Variants in DRC9 observed in about 807,000 individuals in gnomAD.
The protein encoded by DRC9 is dynein regulatory complex protein 9.
At chr3:197,900,969 G>A in the DRC9 span, among the ~76,000 whole-genome samples, 2 of 152,228 alleles carry the variant, frequency 1.3e-5, no homozygotes, top group Non-Finnish European at 2.9e-5. The surrounding 1 kb of genome is among the most constrained non-coding windows in gnomAD (Gnocchi z 4.7). Flanking sequence ...GGCCTTGGGT[G>A]AGACTCTTGA....
At chr3:197,938,609 T>G in the DRC9 span, 1 of 1,614,114 alleles carries the variant, frequency 6.2e-7, no homozygotes, top group African/African-American at 1.3e-5. Flanking sequence ...GTAGGTTTTT[T>G]GAAGACAAGA....
chr3:197,941,270 C>T, the DRC9 span, among the ~76,000 whole-genome samples: 1 of 134,612 alleles, frequency 7.4e-6, no homozygotes, highest in African/African-American at 2.9e-5. Context: ...CCCTCCCTTC[C>T]TACCTTCCTC....
the DRC9 span, among the ~76,000 whole-genome samples, chr3:197,903,939 G>GTC: frequency 9.4e-5 from 14 of 148,274 alleles, no homozygotes; most frequent in African/African-American, 3.0e-4. Context: ...GTGAGATCTT[G>GTC]TCTCTCTCTC....
At chr3:197,912,931 T>C in the DRC9 span, 1 of 610,068 alleles carries the variant, frequency 1.6e-6, no homozygotes, top group Non-Finnish European at 2.9e-6. Context: ...CGGCACTGTG[T>C]GGACTGCGTG....
chr3:197,937,198 C>T, the DRC9 span, among the ~76,000 whole-genome samples: 4 of 152,164 alleles, frequency 2.6e-5, no homozygotes, highest in Non-Finnish European at 5.9e-5. Flanking sequence ...AAGTTCTTAA[C>T]GTAATGTTAC....
chr3:197,912,610 T>C, the DRC9 span: 1 of 1,092,456 alleles, frequency 9.2e-7, no homozygotes, highest in South Asian at 1.3e-5. Context: ...ATATTCTTTT[T>C]GTTTCCTCAG....
At chr3:197,912,773 T>G in the DRC9 span, 1 of 1,588,368 alleles carries the variant, frequency 6.3e-7, no homozygotes, top group Non-Finnish European at 8.6e-7. Context: ...CAGATACCAG[T>G]ACGTCTTCCC....
the DRC9 span, chr3:197,912,557 A>G: frequency 1.3e-6 from 1 of 752,904 alleles, no homozygotes; most frequent in Non-Finnish European, 2.3e-6. Flanking sequence ...ACATGAGCTA[A>G]AGTTCATTAG....
the DRC9 span, chr3:197,892,609 G>A: frequency 3.8e-5 from 61 of 1,607,298 alleles, no homozygotes; most frequent in Middle Eastern, 6.6e-4. Flanking sequence ...CTCAGTGAGC[G>A]CCCTAATTCC....
At chr3:197,914,628 AACAG>A in the DRC9 span, among the ~76,000 whole-genome samples, 2 of 151,978 alleles carry the variant, frequency 1.3e-5, no homozygotes, top group African/African-American at 2.4e-5. Context: ...TGGAGATCTA[AACAG>A]ACATATTCCC....
At chr3:197,906,035 C>A in the DRC9 span, among the ~76,000 whole-genome samples, 1 of 151,214 alleles carries the variant, frequency 6.6e-6, no homozygotes, top group Non-Finnish European at 1.5e-5. Context: ...AAAAAAAACT[C>A]ATTTGTGGCA....
chr3:197,921,515 C>T, the DRC9 span, among the ~76,000 whole-genome samples: 4 of 144,940 alleles, frequency 2.8e-5, no homozygotes, highest in South Asian at 4.6e-4. Context: ...TTGGTCGACC[C>T]GACTACTGGT....
the DRC9 span, chr3:197,954,335 T>G: frequency 4.4e-6 from 3 of 681,090 alleles, no homozygotes; most frequent in Non-Finnish European, 5.0e-6. Context: ...GTTTGTTTTT[T>G]GTTTTTTTTT....
chr3:197,955,720 C>G, the DRC9 span: 2 of 1,565,508 alleles, frequency 1.3e-6, no homozygotes, highest in African/African-American at 1.4e-5. Context: ...TAACATTCAC[C>G]TAATGTTTTG....
chr3:197,893,963 G>A, the DRC9 span, among the ~76,000 whole-genome samples: 1 of 152,204 alleles, frequency 6.6e-6, no homozygotes, highest in African/African-American at 2.4e-5. Context: ...TTCTGAGAGA[G>A]TTATTCAAGG....
At chr3:197,932,508 G>A in the DRC9 span, among the ~76,000 whole-genome samples, 1 of 151,758 alleles carries the variant, frequency 6.6e-6, no homozygotes, top group Non-Finnish European at 1.5e-5. Context: ...GGTGGCAGGT[G>A]TCTGTAATCC....
the DRC9 span, among the ~76,000 whole-genome samples, chr3:197,944,428 T>C: frequency 6.6e-6 from 1 of 151,478 alleles, no homozygotes; most frequent in African/African-American, 2.4e-5. Flanking sequence ...CTGGCTAAGT[T>C]TGTGTTTTTA....
At chr3:197,897,618 T>A in the DRC9 span, among the ~76,000 whole-genome samples, 1 of 152,066 alleles carries the variant, frequency 6.6e-6, no homozygotes, top group African/African-American at 2.4e-5. Context: ...AGTAACAAAA[T>A]GAAAAATCTG....
At chr3:197,907,152 G>A in the DRC9 span, among the ~76,000 whole-genome samples, 23,746 of 152,082 alleles carry the variant, frequency 0.16, 2,042 homozygotes, top group African/African-American at 0.22. Context: ...ACCTGCCTAT[G>A]TAGGAAAGCA....
Sources: allele counts gnomAD v4.1 joint callset (sites outside exome capture counted in the v4.1 genomes callset), GRCh38; gene constraint gnomAD v4.1.1; non-coding constraint Gnocchi (gnomAD v3.1); transcripts MANE v1.5; gene names NCBI Gene and HGNC (gene_info 2026-07-23, HGNC 2026-07-21).